Variants in CTNNA2 observed in about 807,000 individuals in gnomAD.
CTNNA2 encodes the protein catenin alpha-2.
Under a neutral mutation model 101.0 loss-of-function variants are expected in CTNNA2, and 42 were observed. The ratio of observed to expected loss-of-function variants is 0.42; its 90% CI spans 0.32 to 0.54. The LOEUF (loss-of-function observed/expected upper bound fraction) is 0.54, where lower values mean the gene tolerates loss of function less well. Among genes scored for constraint, CTNNA2 ranks in the 20% least tolerant of loss-of-function variants. The pLI is 0.14. For synonymous variants in CTNNA2, 450 were observed against 456.4 expected, an observed-to-expected ratio of 0.99 and a Z score of 0.18; for missense variants, 871 against 1,223.1, an observed-to-expected ratio of 0.71 and a Z score of 4.29.
intron 9 of CTNNA2, among the ~76,000 whole-genome samples, chr2:80,470,752 G>A (rs1685235253): frequency 6.6e-6 from 1 of 152,148 alleles, no homozygotes; most frequent in South Asian, 2.1e-4. Flanking sequence ...ACAGAAGATA[G>A]GAGTAAGAAG....
At chr2:80,083,974 G>C (rs776856932) in intron 7 of CTNNA2, among the ~76,000 whole-genome samples, 2 of 151,998 alleles carry the variant, frequency 1.3e-5, no homozygotes, top group African/African-American at 4.8e-5. Flanking sequence ...ATCTTGATGA[G>C]ACAAGAGCAT....
chr2:79,621,891 G>A (rs1679020126), intron 1 of CTNNA2, among the ~76,000 whole-genome samples: 1 of 152,120 alleles, frequency 6.6e-6, no homozygotes, highest in Non-Finnish European at 1.5e-5. Context: ...ATAACCATGA[G>A]AAAACTCTCA....
At chr2:80,628,799 A>G (rs991758169) in intron 18 of CTNNA2, among the ~76,000 whole-genome samples, 7 of 152,054 alleles carry the variant, frequency 4.6e-5, no homozygotes, top group Admixed American at 2.0e-4. Context: ...GAAGCTGCCA[A>G]TGAAGGCTTT....
At chr2:79,940,404 A>G (rs1422725230) in intron 7 of CTNNA2, among the ~76,000 whole-genome samples, 2 of 152,222 alleles carry the variant, frequency 1.3e-5, no homozygotes, top group Non-Finnish European at 2.9e-5. Flanking sequence ...TTGCAGATAA[A>G]TACCGATTTG....
At chr2:79,603,754 A>C (rs1308864851) in intron 1 of CTNNA2, among the ~76,000 whole-genome samples, 1 of 152,208 alleles carries the variant, frequency 6.6e-6, no homozygotes, top group African/African-American at 2.4e-5. Flanking sequence ...TGAAAGACAT[A>C]AAGTAAGGGC....
At chr2:79,431,198 T>C (rs1678656112) in intron 4 of CTNNA2, among the ~76,000 whole-genome samples, 1 of 152,178 alleles carries the variant, frequency 6.6e-6, no homozygotes, top group Non-Finnish European at 1.5e-5. Flanking sequence ...CTCACCACTT[T>C]ATCCTGATGT....
At chr2:79,374,197 T>G (rs4852481) in intron 4 of CTNNA2, among the ~76,000 whole-genome samples, 122,917 of 151,972 alleles carry the variant, frequency 0.81, 50,213 homozygotes, top group African/African-American at 0.91. Flanking sequence ...GAGAATTACT[T>G]GTTCAAGTAG....
At chr2:80,591,482 AACAG>A (rs1696506932) in intron 15 of CTNNA2, among the ~76,000 whole-genome samples, 2 of 54,806 alleles carry the variant, frequency 3.6e-5, no homozygotes, top group Non-Finnish European at 9.0e-5. Flanking sequence ...TTTTTTTGCA[AACAG>A]ACAGCTGACT....
chr2:79,821,138 C>T (rs1309894235), intron 3 of CTNNA2, among the ~76,000 whole-genome samples: 1 of 152,134 alleles, frequency 6.6e-6, no homozygotes, highest in South Asian at 2.1e-4. Context: ...TTAGGATAAA[C>T]CATTAATTCC....
intron 9 of CTNNA2, among the ~76,000 whole-genome samples, chr2:80,439,523 T>G (rs894171781): frequency 1.3e-5 from 2 of 152,076 alleles, no homozygotes; most frequent in African/African-American, 2.4e-5. Flanking sequence ...CTCAGCCTCC[T>G]GAGTAGCTGG....
At chr2:79,240,187 C>T (rs1478870765) in intron 2 of CTNNA2, among the ~76,000 whole-genome samples, 1 of 151,594 alleles carries the variant, frequency 6.6e-6, no homozygotes, top group African/African-American at 2.4e-5. Context: ...GGATTACAGG[C>T]ATGAGCCACC....
At chr2:80,578,077 T>G (rs76055954) in intron 13 of CTNNA2, among the ~76,000 whole-genome samples, 2,619 of 152,228 alleles carry the variant, frequency 0.017, 30 homozygotes, top group Non-Finnish European at 0.029. Context: ...CGGGTCCTGT[T>G]TTGCAACTGA....
chr2:79,768,607 G>C (rs1347673915), intron 3 of CTNNA2, among the ~76,000 whole-genome samples: 2 of 151,786 alleles, frequency 1.3e-5, no homozygotes, highest in African/African-American at 4.8e-5. Flanking sequence ...AGCATCACAT[G>C]CTCTTGTCAA....
At position 80,086,015 on chromosome 2, in the gene CTNNA2, A is replaced by T. The variant is rs529433430; in HGVS notation, c.1056+176218A>T. On this transcript the variant is annotated intron_variant, in intron 7 of 18. Transcript: ENST00000402739. ...TTTTGTAAATCACCTATATGTGCAG[A>T]TATTTGGGAATATCTGACTTGAAAT... Among the ~76,000 whole-genome samples, 9 of 152,212 alleles carry T rather than the reference A, an allele frequency of 5.9e-5. No individual in the cohort carries two copies. The East Asian group carries it at 1.2e-3, about 20-fold the overall frequency.
chr2:80,235,820 T>G (rs1263216817), intron 7 of CTNNA2, among the ~76,000 whole-genome samples: 1 of 152,182 alleles, frequency 6.6e-6, no homozygotes, highest in Non-Finnish European at 1.5e-5. Context: ...TTTTCAAAAT[T>G]TTTATTTTAA....
chr2:79,266,555 T>G (rs1674989091), intron 2 of CTNNA2, among the ~76,000 whole-genome samples: 1 of 152,176 alleles, frequency 6.6e-6, no homozygotes, highest in Non-Finnish European at 1.5e-5. Flanking sequence ...AAACTGGTAC[T>G]GAATGTAATT....
intron 1 of CTNNA2, among the ~76,000 whole-genome samples, chr2:79,650,030 T>A (rs771277305): frequency 1.3e-5 from 2 of 151,896 alleles, no homozygotes; most frequent in Non-Finnish European, 2.9e-5. Context: ...GCCATGGACA[T>A]TTTGATTTAT....
chr2:79,814,608 TAC>T (rs146240455), intron 3 of CTNNA2, among the ~76,000 whole-genome samples: 1,801 of 145,088 alleles, frequency 0.012, 11 homozygotes, highest in South Asian at 0.017. Flanking sequence ...TATGTGTGTA[TAC>T]ACACACACAC....
At chr2:80,537,070 C>A (rs528698891) in intron 9 of CTNNA2, among the ~76,000 whole-genome samples, 2 of 152,084 alleles carry the variant, frequency 1.3e-5, no homozygotes, top group African/African-American at 4.8e-5. Flanking sequence ...GCTTTCCCTC[C>A]CCTTGCATCC....
Sources: allele counts gnomAD v4.1 joint callset (sites outside exome capture counted in the v4.1 genomes callset), GRCh38; gene constraint gnomAD v4.1.1; transcripts MANE v1.5; gene names NCBI Gene and HGNC (gene_info 2026-07-23, HGNC 2026-07-21).